Variants in HDAC9 observed in about 807,000 individuals in gnomAD.
HDAC9 encodes the protein histone deacetylase 9, also known as MEF-2 interacting transcription repressor (MITR) protein.
In HDAC9, 41 loss-of-function variants were observed where a neutral mutation model predicts 139.4. The ratio of observed to expected loss-of-function variants is 0.29; its 90% CI spans 0.23 to 0.38. HDAC9 has a LOEUF of 0.38. HDAC9 is among the 10% of genes least tolerant of loss of function. HDAC9 has a pLI of 1.00. For missense variants in HDAC9, 1,147 were observed against 1,297.0 expected, an observed-to-expected ratio of 0.88 and a Z score of 1.78; for synonymous variants, 517 against 476.2, an observed-to-expected ratio of 1.09 and a Z score of -1.12.
chr7:18,548,164 G>C (rs1175272302), intron 2 of HDAC9, among the ~76,000 whole-genome samples: 1 of 152,058 alleles, frequency 6.6e-6, no homozygotes, highest in Non-Finnish European at 1.5e-5. Context: ...GAGAGGCAGA[G>C]AGTCAGAGAC....
chr7:18,167,386 T>G lies in HDAC9; in HGVS notation c.25+5037T>G, dbSNP rs569697157. 2.6e-5 allele frequency among the ~76,000 whole-genome samples: 4 copies of G among 152,228 alleles called. No homozygotes were observed. The East Asian group carries it at 7.7e-4, about 29-fold the overall frequency. On this transcript the variant is annotated intron_variant, in intron 2 of 12. Transcript: ENST00000417496. Reference sequence around the variant, plus strand: ...AAACCTTTTCTGAAAATGTTCAGTATAAATTTGTTTTGAACATTTATTTGT... The same window carrying G: ...AAACCTTTTCTGAAAATGTTCAGTAGAAATTTGTTTTGAACATTTATTTGT...
At chr7:18,419,836 G>A (rs1327542164) in intron 1 of HDAC9, among the ~76,000 whole-genome samples, 2 of 152,076 alleles carry the variant, frequency 1.3e-5, no homozygotes, top group Non-Finnish European at 2.9e-5. Context: ...ATATGTCACT[G>A]GGTAGGTTCA....
At chr7:18,283,341 C>A (rs1373658308) in intron 2 of HDAC9, among the ~76,000 whole-genome samples, 1 of 152,160 alleles carries the variant, frequency 6.6e-6, no homozygotes, top group Non-Finnish European at 1.5e-5. Context: ...GGGAAGTCCA[C>A]CCCCATAATC....
intron 17 of HDAC9, among the ~76,000 whole-genome samples, chr7:18,811,136 A>G (rs889325504): frequency 6.6e-6 from 1 of 151,658 alleles, no homozygotes; most frequent in African/African-American, 2.4e-5. Flanking sequence ...ATTTGTGCCT[A>G]CATTTTATTT....
At chr7:18,256,877 C>T (rs914188011) in intron 2 of HDAC9, among the ~76,000 whole-genome samples, 1 of 151,644 alleles carries the variant, frequency 6.6e-6, no homozygotes, top group Non-Finnish European at 1.5e-5. Flanking sequence ...TGCTTGAGCC[C>T]GAGAGTTTGA....
chr7:18,836,657 A>C (rs1448009422), intron 21 of HDAC9, among the ~76,000 whole-genome samples: 1 of 152,164 alleles, frequency 6.6e-6, no homozygotes, highest in East Asian at 1.9e-4. Context: ...AAGAAAAAGC[A>C]AATCAAAGGC....
Position 18,570,571 on chromosome 7 carries a change from C to T in HDAC9, c.23-14710C>T, listed in dbSNP as rs140106368. 3.7e-3 allele frequency among the ~76,000 whole-genome samples: 566 copies of T among 152,182 alleles called. 3 individuals are homozygous for T. The highest frequency in any genetic ancestry group is 0.013 in the African/African-American group (540 of 41,522). On this transcript the variant is annotated intron_variant, in intron 2 of 25. Coordinates refer to ENST00000686413, the MANE Select transcript of HDAC9 (RefSeq NM_178425.4). ...CTATTTTGTAGAAGTCAAATAGAATCAGAATGGAGTGGTTGAGATCATGGA... is the reference window on the plus strand; with the variant it reads ...CTATTTTGTAGAAGTCAAATAGAATTAGAATGGAGTGGTTGAGATCATGGA...
chr7:18,897,532 C>T (rs1372263924), intron 22 of HDAC9, among the ~76,000 whole-genome samples: 1 of 151,820 alleles, frequency 6.6e-6, no homozygotes, highest in Admixed American at 6.6e-5. Context: ...CCTGTTTGCT[C>T]TGCTACCTTT....
chr7:18,550,974 A>C (rs1053787721), intron 2 of HDAC9, among the ~76,000 whole-genome samples: 1 of 152,224 alleles, frequency 6.6e-6, no homozygotes, highest in Admixed American at 6.5e-5. Context: ...GGCTTATTCT[A>C]TACTCTTAGC....
intron 2 of HDAC9, among the ~76,000 whole-genome samples, chr7:18,513,869 A>G (rs775617993): frequency 1.2e-4 from 18 of 152,238 alleles, no homozygotes; most frequent in Admixed American, 2.0e-4. Flanking sequence ...TTTAGTGGGC[A>G]AATAACCCCA....
upstream of HDAC9, among the ~76,000 whole-genome samples, chr7:18,289,145 C>G (rs1386144036): frequency 6.6e-6 from 1 of 152,136 alleles, no homozygotes; most frequent in East Asian, 1.9e-4. Context: ...TAAACTCAGA[C>G]CAAATATAAA....
At chr7:18,804,865 G>A (rs917895674) in intron 17 of HDAC9, among the ~76,000 whole-genome samples, 2 of 152,168 alleles carry the variant, frequency 1.3e-5, no homozygotes, top group African/African-American at 4.8e-5. Context: ...CGTAATCTCT[G>A]CTCACTGCAA....
At chr7:18,513,806 A>G (rs906274737) in intron 2 of HDAC9, among the ~76,000 whole-genome samples, 2 of 152,222 alleles carry the variant, frequency 1.3e-5, no homozygotes, top group Non-Finnish European at 2.9e-5. Flanking sequence ...AATTCCCTAA[A>G]CCAGATCATA....
At chr7:18,602,461 C>T (rs1488679886) in intron 6 of HDAC9, among the ~76,000 whole-genome samples, 3 of 135,028 alleles carry the variant, frequency 2.2e-5, no homozygotes, top group Non-Finnish European at 5.1e-5. Context: ...TTGAATTTCC[C>T]ATTAATTTTT....
intron 22 of HDAC9, among the ~76,000 whole-genome samples, chr7:18,930,727 G>C (rs1804667124): frequency 6.6e-6 from 1 of 152,186 alleles, no homozygotes; most frequent in Non-Finnish European, 1.5e-5. Context: ...TTAGAGTTCA[G>C]CTGCCTCAGT....
rs546147654 is a variant in HDAC9 at position 18,235,473 on chromosome 7, C to T, written c.25+73124C>T. On this transcript the variant is annotated intron_variant, in intron 2 of 12. Coordinates refer to the HDAC9 transcript ENST00000417496. Reference sequence around the variant, plus strand: ...AGGAAGAGATGTACACAGTTGGGTCCGGTTCCCCACTGCCTAACTGCCTAT... The same window carrying T: ...AGGAAGAGATGTACACAGTTGGGTCTGGTTCCCCACTGCCTAACTGCCTAT... Among the ~76,000 whole-genome samples the T allele has an allele frequency of 4.6e-5, 7 of 152,214 alleles. No individual in the cohort carries two copies. In the East Asian group the frequency reaches 5.8e-4, roughly 13 times the overall value.
intron 1 of HDAC9, among the ~76,000 whole-genome samples, chr7:18,352,096 A>G (rs1344554317): frequency 6.6e-6 from 1 of 152,224 alleles, no homozygotes; most frequent in East Asian, 1.9e-4. Flanking sequence ...TGATGACAAC[A>G]TAATTAGACA....
chr7:18,232,977 T>G (rs1793566862), intron 2 of HDAC9, among the ~76,000 whole-genome samples: 1 of 152,188 alleles, frequency 6.6e-6, no homozygotes, highest in Non-Finnish European at 1.5e-5. Context: ...TTCTCTCAGA[T>G]ATCTAGGAGA....
Position 18,585,435 on chromosome 7 carries a change from C to A in HDAC9, c.177C>A (p.Ile59=). ...ELLLIQQQQQ[I]QKQLLIAEFQ... is the part of the protein sequence containing the mutation. ...TTCTTATCCAGCAGCAGCAACAAAT[C>A]CAGAAGCAGCTTCTGATAGCAGAGT... Residue 59 remains isoleucine (I), a synonymous_variant, in exon 3 of 26, where the codon ATC becomes ATA. Transcript: ENST00000686413. The A allele has an allele frequency of 2.5e-6, 4 of 1,613,938 alleles. No individual in the cohort carries two copies. Among genetic ancestry groups the A allele is most frequent in the Non-Finnish European group, 3.4e-6 (4 of 1,179,876 alleles).
Sources: gnomAD v4.1 joint callset for allele counts (sites outside exome capture counted in the v4.1 genomes callset) on GRCh38, gnomAD v4.1.1 for gene constraint, MANE v1.5 for transcripts, NCBI Gene and HGNC (gene_info 2026-07-23, HGNC 2026-07-21) for gene names.